Variants in EXOSC3 observed in about 807,000 individuals in gnomAD.
EXOSC3 encodes the protein exosome complex component RRP40.
In EXOSC3, 18 loss-of-function variants were observed where a neutral mutation model predicts 25.1. The ratio of observed to expected loss-of-function variants is 0.72; its 90% CI spans 0.50 to 1.06. The LOEUF is 1.06. Ranked by LOEUF, EXOSC3 falls within the 50% of genes least tolerant of loss-of-function variation. EXOSC3 has a pLI of 0.00. For synonymous variants in EXOSC3, 165 were observed against 132.2 expected (o/e 1.25, Z -1.70); for missense variants, 382 against 350.9 (o/e 1.09, Z -0.71).
At position 37,783,944 on chromosome 9, in the gene EXOSC3, A is replaced by C; in HGVS notation, c.444T>G (p.Gly148=). 6.2e-7 allele frequency: 1 copy of C among 1,612,784 alleles called. No individual in the cohort carries two copies. Among genetic ancestry groups the C allele is most frequent in the South Asian group, 1.1e-5 (1 of 90,836 alleles). Residue 148 remains glycine (G), a synonymous_variant, in exon 2 of 4, where the codon GGT becomes GGG. Transcript: ENST00000327304. ...CATTTGGTCTGTTTCTTTTAGTTGCACCTTCAAATGACAAGTAAGACAAAG... is the reference window on the plus strand; with the variant it reads ...CATTTGGTCTGTTTCTTTTAGTTGCCCCTTCAAATGACAAGTAAGACAAAG... ...PASLSYLSFE[G]ATKRNRPNVQ...
intron 2 of EXOSC3, among the ~76,000 whole-genome samples, chr9:37,783,586 A>G (rs1356288946): frequency 2.6e-5 from 4 of 152,200 alleles, no homozygotes; most frequent in African/African-American, 9.7e-5. Flanking sequence ...TCCCTCCTCT[A>G]AGCCTACAGC....
intron 2 of EXOSC3, among the ~76,000 whole-genome samples, chr9:37,782,756 A>G (rs893691532): frequency 2.0e-4 from 31 of 152,260 alleles, no homozygotes; most frequent in African/African-American, 5.5e-4. Context: ...TCACTCAACA[A>G]AACGTATTAA....
intron 1 of EXOSC3, chr9:37,784,416 C>T: frequency 2.0e-6 from 1 of 501,076 alleles, no homozygotes; most frequent in South Asian, 3.1e-5. Context: ...CCTATGACAT[C>T]CACTCATTGA....
rs745343798 is a variant in EXOSC3, at chr9:37,781,979, GACTT to G, written c.626+3_626+6del. 4 of 1,612,004 alleles carry G rather than the reference GACTT, an allele frequency of 2.5e-6. No homozygotes were observed. Among genetic ancestry groups the G allele is most frequent in the Admixed American group, 1.7e-5 (1 of 59,838 alleles). On this transcript the variant is annotated splice_donor_5th_base_variant and intron_variant, in intron 3 of 3. Transcript: ENST00000327304. The stretch of plus-strand genomic sequence containing the variant: ...AAGCAGTCAAGCCAGCAGACATCAG[GACTT>G]ACTTTCTAATTAAGCCCAGAGTCAC...
chr9:37,780,562 G>A lies in EXOSC3; in HGVS notation c.*117C>T, dbSNP rs781276839. The A allele has an allele frequency of 3.9e-6, 3 of 769,686 alleles. No individual in the cohort carries two copies. Among genetic ancestry groups the A allele is most frequent in the African/African-American group, 3.5e-5 (2 of 56,848 alleles). 47.7% of individuals were successfully genotyped at this position (769,686 alleles called of 1,614,324 possible). On this transcript the variant is annotated 3_prime_UTR_variant, in exon 4 of 4. Coordinates refer to ENST00000327304, the MANE Select transcript of EXOSC3 (RefSeq NM_016042.4). ...ACCAGTAACTTATAAAAATACTTTC[G>A]GACTCTAATAATACATACATTCACA...
chr9:37,782,017 GCAGAC>G lies in EXOSC3; in HGVS notation c.590_594del (p.Gly197AlafsTer3). The G allele has an allele frequency of 6.2e-7, 1 of 1,613,904 alleles. No individual in the cohort carries two copies. The highest frequency in any genetic ancestry group is 8.5e-7 in the Non-Finnish European group (1 of 1,179,926). On this transcript the variant is annotated frameshift_variant, in exon 3 of 4. Transcript: ENST00000327304. LOFTEE classifies it high-confidence loss of function. ...ATTAAGCCCAGAGTCACTTTAAAAA[GCAGAC>G]CATCCTGTCCAATGACACCCATTCC...
chr9:37,783,944 A>T lies in EXOSC3; in HGVS notation c.444T>A (p.Gly148=). The change falls in exon 2 of 4, where the codon GGT becomes GGA. Residue 148 remains glycine (G), a synonymous_variant. Coordinates refer to ENST00000327304, the MANE Select transcript of EXOSC3 (RefSeq NM_016042.4). ...CATTTGGTCTGTTTCTTTTAGTTGC[A>T]CCTTCAAATGACAAGTAAGACAAAG... ...PASLSYLSFE[G]ATKRNRPNVQ... 2 of 1,612,784 alleles carry T rather than the reference A, an allele frequency of 1.2e-6. No homozygotes were observed. Among genetic ancestry groups the T allele is most frequent in the South Asian group, 2.2e-5 (2 of 90,836 alleles).
chr9:37,783,035 C>G (rs1828629843), intron 2 of EXOSC3, among the ~76,000 whole-genome samples: 3 of 152,098 alleles, frequency 2.0e-5, no homozygotes, highest in Non-Finnish European at 4.4e-5. Context: ...ACAGTGGGAA[C>G]AGCATGTGCA....
rs1828665824 is a variant in EXOSC3 at position 37,784,590 on chromosome 9, C to A, written c.324+131G>T. 4.8e-6 allele frequency: 5 copies of A among 1,039,850 alleles called. No homozygotes were observed. The East Asian group carries it at 1.0e-4, about 22-fold the overall frequency. 64.4% of individuals were successfully genotyped at this position (1,039,850 alleles called of 1,614,324 possible). On this transcript the variant is annotated intron_variant, in intron 1 of 3. Transcript: ENST00000327304. ...TCTAAAGGACATGCAGAAGTGGGCA[C>A]AAGACTACGGTGGCTCTAGGTTTGC...
At chr9:37,780,926 G>A in intron 3 of EXOSC3, 46 bp from the exon 4 acceptor site, 2 of 1,527,234 alleles carry the variant, frequency 1.3e-6, no homozygotes, top group Non-Finnish European at 1.8e-6. Context: ...AGTGGCAAAG[G>A]TGTGTCCGGA....
chr9:37,784,458 C>T (rs1180483441), intron 1 of EXOSC3: 37 of 542,740 alleles, frequency 6.8e-5, no homozygotes, highest in African/African-American at 1.1e-4. Context: ...CTCCAAACGG[C>T]AGGCCTGCTG....
chr9:37,782,143 A>G lies in EXOSC3; in HGVS notation c.475-6T>C, dbSNP rs1478872974. ...CCATAGATGAGATCTCCAACCTACA[A>G]TGATATTAAAAACCAGTTCATTTCC... is the stretch of plus-strand genomic sequence containing the variant. On this transcript the variant is annotated splice_region_variant and splice_polypyrimidine_tract_variant and intron_variant, in intron 2 of 3. Coordinates refer to ENST00000327304, the MANE Select transcript of EXOSC3 (RefSeq NM_016042.4). 3.1e-6 allele frequency: 5 copies of G among 1,613,382 alleles called. No individual in the cohort carries two copies. The East Asian group carries it at 1.1e-4, about 36-fold the overall frequency.
In EXOSC3 at chr9:37,782,051, G is replaced by C. The variant is rs1236543786; in HGVS notation, c.561C>G (p.Ala187=). The change falls in exon 3 of 4, where the codon GCC becomes GCG. Residue 187 remains alanine, a synonymous_variant. Coordinates refer to ENST00000327304, the MANE Select transcript of EXOSC3 (RefSeq NM_016042.4). Reference sequence around the variant, plus strand: ...CCTGTCCAATGACACCCATTCCATTGGCTCGTCCACAGCTGTCAATACAGA... The same window carrying C: ...CCTGTCCAATGACACCCATTCCATTCGCTCGTCCACAGCTGTCAATACAGA... ...EMVCIDSCGR[A]NGMGVIGQDG... 6.2e-7 allele frequency: 1 copy of C among 1,614,080 alleles called. No homozygotes were observed.
intron 1 of EXOSC3, chr9:37,784,354 T>C (rs779925952): frequency 1.5e-5 from 7 of 472,704 alleles, no homozygotes; most frequent in East Asian, 3.6e-5. Flanking sequence ...GCCCATTCCA[T>C]AGACAATTTT....
Position 37,784,891 on chromosome 9 carries a change from G to C in EXOSC3, c.154C>G (p.Pro52Ala), listed in dbSNP as rs1828675045. 6.2e-7 allele frequency: 1 copy of C among 1,606,608 alleles called. No homozygotes were observed. The highest frequency in any genetic ancestry group is 8.5e-7 in the Non-Finnish European group (1 of 1,176,686). ...AEGPGGAVER[P>A]LSLNARACSR... is the part of the protein sequence containing the mutation. The stretch of plus-strand genomic sequence containing the variant: ...CACGCTCTAGCATTCAGGCTCAACG[G>C]TCGCTCCACTGCACCCCCAGGGCCT... The change falls in exon 1 of 4, where the codon CCG becomes GCG. Residue 52 changes from proline to alanine, a missense_variant. Pro to Ala is a conservative substitution (Grantham distance 27). Coordinates refer to ENST00000327304, the MANE Select transcript of EXOSC3 (RefSeq NM_016042.4).
Position 37,783,908 on chromosome 9 carries a change from A to C in EXOSC3, c.474+6T>G. On this transcript the variant is annotated splice_donor_region_variant and intron_variant, in intron 2 of 3. Coordinates refer to ENST00000327304, the MANE Select transcript of EXOSC3 (RefSeq NM_016042.4). Reference sequence around the variant, plus strand: ...TTTCTTTGAAACCAAAGGCTCCCGTAATTACCTGCACATTTGGTCTGTTTC... The same window carrying C: ...TTTCTTTGAAACCAAAGGCTCCCGTCATTACCTGCACATTTGGTCTGTTTC... The C allele has an allele frequency of 6.2e-7, 1 of 1,609,546 alleles. No homozygotes were observed. The highest frequency in any genetic ancestry group is 1.1e-5 in the South Asian group (1 of 90,324).
chr9:37,784,390 T>C (rs1828659649), intron 1 of EXOSC3: 1 of 482,868 alleles, frequency 2.1e-6, no homozygotes, highest in Non-Finnish European at 3.6e-6. Flanking sequence ...TTACCTGTTC[T>C]AGGAGAAATT....
chr9:37,783,323 C>T (rs752221906), intron 2 of EXOSC3, among the ~76,000 whole-genome samples: 5 of 152,012 alleles, frequency 3.3e-5, no homozygotes, highest in Admixed American at 6.6e-5. Context: ...GATAAAGGGA[C>T]GGACATGCCA....
rs1206493760 is a variant in EXOSC3 at position 37,779,818 on chromosome 9, A to C, written c.*861T>G. On this transcript the variant is annotated 3_prime_UTR_variant, in exon 4 of 4. Transcript: ENST00000327304. ...GTATCTCACATATTCTCAGAGGTCT[A>C]GAAACCAAGAATCACTGATGTGGAT... 6.6e-6 allele frequency: 1 copy of C among 152,226 alleles called. No homozygotes were observed. Among genetic ancestry groups the C allele is most frequent in the Non-Finnish European group, 1.5e-5 (1 of 68,026 alleles). 9.4% of individuals were successfully genotyped at this position (152,226 alleles called of 1,614,324 possible).
Sources: gnomAD v4.1 joint callset for allele counts (sites outside exome capture counted in the v4.1 genomes callset) on GRCh38, gnomAD v4.1.1 for gene constraint, MANE v1.5 for transcripts, NCBI Gene and HGNC (gene_info 2026-07-23, HGNC 2026-07-21) for gene names.